SEMA3E: variants seen among roughly 807,000 people sequenced by gnomAD.
SEMA3E encodes the protein semaphorin-3E.
SEMA3E carries 49 observed loss-of-function variants against 93.6 expected under a neutral mutation model. The observed-to-expected ratio is 0.52, with a 90% confidence interval of 0.42 to 0.66. SEMA3E has a LOEUF of 0.66. SEMA3E is among the 30% of genes least tolerant of loss of function. SEMA3E has a pLI of 0.00. For synonymous variants in SEMA3E, 363 were observed against 330.7 expected, an observed-to-expected ratio of 1.10 and a Z score of -1.06; for missense variants, 906 against 964.8, an observed-to-expected ratio of 0.94 and a Z score of 0.81.
chr7:83,492,748 AC>A (rs1790411703), intron 1 of SEMA3E, among the ~76,000 whole-genome samples: 1 of 151,970 alleles, frequency 6.6e-6, no homozygotes, highest in South Asian at 2.1e-4. Flanking sequence ...ACACACATAT[AC>A]TTTTACAAAA....
chr7:83,388,234 G>T (rs1302242125), intron 14 of SEMA3E, among the ~76,000 whole-genome samples: 3 of 148,560 alleles, frequency 2.0e-5, no homozygotes, highest in Admixed American at 6.7e-5. Context: ...GCCTGAAACC[G>T]GGAGGTGAAG....
At chr7:83,611,513 T>C (rs757487446) in intron 1 of SEMA3E, among the ~76,000 whole-genome samples, 5 of 150,792 alleles carry the variant, frequency 3.3e-5, no homozygotes, top group Admixed American at 6.7e-5. Context: ...TTTCTCTTCA[T>C]ATTTATACTT....
At chr7:83,622,020 A>C (rs1256333137) in intron 1 of SEMA3E, among the ~76,000 whole-genome samples, 3 of 152,238 alleles carry the variant, frequency 2.0e-5, no homozygotes, top group Admixed American at 6.5e-5. Context: ...GATCTTCTGC[A>C]CAGCAAAAGA....
chr7:83,417,250 T>A (rs1470667388), intron 5 of SEMA3E, among the ~76,000 whole-genome samples: 1 of 152,024 alleles, frequency 6.6e-6, no homozygotes, highest in Non-Finnish European at 1.5e-5. Flanking sequence ...AATACATAGG[T>A]TTTAAAAAGC....
chr7:83,462,940 C>T (rs1789660439), intron 4 of SEMA3E, among the ~76,000 whole-genome samples: 1 of 107,926 alleles, frequency 9.3e-6, no homozygotes, highest in African/African-American at 2.8e-5. Context: ...TTCCTTTGCA[C>T]CCTTAATCCC....
At chr7:83,489,345 T>C (rs1410965184) in intron 2 of SEMA3E, among the ~76,000 whole-genome samples, 1 of 151,958 alleles carries the variant, frequency 6.6e-6, no homozygotes, top group Non-Finnish European at 1.5e-5. Context: ...TTTAAAATTA[T>C]TACCTCTAGG....
At position 83,529,436 on chromosome 7, in the gene SEMA3E, A is replaced by G. The variant is rs1791237097; in HGVS notation, c.116-39162T>C. Among the ~76,000 whole-genome samples the G allele has an allele frequency of 2.6e-5, 4 of 152,162 alleles. No homozygotes were observed. In the South Asian group the frequency reaches 8.3e-4, roughly 31 times the overall value. ...TTTGAGCTGCCCGTCAAAAACTAGCAAATATGTTTTATAAAATAAACATAA... is the reference window on the plus strand; with the variant it reads ...TTTGAGCTGCCCGTCAAAAACTAGCGAATATGTTTTATAAAATAAACATAA... On this transcript the variant is annotated intron_variant, in intron 1 of 16. Coordinates refer to ENST00000643230, the MANE Select transcript of SEMA3E (RefSeq NM_012431.3).
rs543850868 is a variant in SEMA3E at position 83,420,482 on chromosome 7, G to A, written c.457-1999C>T. On this transcript the variant is annotated intron_variant, in intron 4 of 16. Transcript: ENST00000643230. ...CTAAAATTCATAAGAAACCAAAAAA[G>A]AGCCTGAATAGCCAAAGTAATGCTA... is the stretch of plus-strand genomic sequence containing the variant. Among the ~76,000 whole-genome samples, 3 of 152,124 alleles carry A rather than the reference G, an allele frequency of 2.0e-5. No homozygotes were observed. In the South Asian group the frequency reaches 6.2e-4, roughly 32 times the overall value.
rs1269065452 is a variant in SEMA3E at position 83,617,486 on chromosome 7, TA to T, written c.115+30941del. ...TATATAATTTTATATAAATTTTATA[TA>T]AATAATATATAATTTTATATAAATA... On this transcript the variant is annotated intron_variant, in intron 1 of 16. Coordinates refer to ENST00000643230, the MANE Select transcript of SEMA3E (RefSeq NM_012431.3). Among the ~76,000 whole-genome samples the T allele has an allele frequency of 4.4e-4, 62 of 141,950 alleles. 7 individuals are homozygous for T. Among genetic ancestry groups the T allele is most frequent in the Non-Finnish European group, 7.0e-4 (46 of 65,254 alleles). The allele number at this position is 141,950 out of a possible 152,430, so 93.1% of individuals were successfully genotyped here.
intron 1 of SEMA3E, among the ~76,000 whole-genome samples, chr7:83,597,168 G>A (rs969181260): frequency 2.0e-5 from 3 of 152,164 alleles, no homozygotes; most frequent in Admixed American, 6.6e-5. Flanking sequence ...ATCCACATAA[G>A]TACCTCCTCT....
At chr7:83,471,092 T>C (rs570347710) in intron 2 of SEMA3E, among the ~76,000 whole-genome samples, 49 of 151,970 alleles carry the variant, frequency 3.2e-4, no homozygotes, top group African/African-American at 9.9e-4. Flanking sequence ...TTGAACAGTT[T>C]TCTCTGTACA....
In SEMA3E at chr7:83,402,714, T is replaced by C; in HGVS notation, c.1061A>G (p.Asn354Ser). 2 of 1,613,050 alleles carry C rather than the reference T, an allele frequency of 1.2e-6. No individual in the cohort carries two copies. The highest frequency in any genetic ancestry group is 1.7e-6 in the Non-Finnish European group (2 of 1,179,248). ...TCCTTCCTTATGTGCATATGGTCCG[T>C]TGAAGGCTGCCCGAATGCTAGACAT... ...YHMSSIRAAF[N>S]GPYAHKEGPE... Residue 354 changes from asparagine to serine, a missense_variant, in exon 10 of 17, where the codon AAC becomes AGC. Physicochemically the swap from Asn to Ser is conservative, Grantham distance 46. Transcript: ENST00000643230.
At chr7:83,386,859 A>G in intron 15 of SEMA3E, 124 bp downstream of exon 15, 1 of 864,440 alleles carries the variant, frequency 1.2e-6, no homozygotes, top group Non-Finnish European at 1.8e-6. Context: ...GAAAAAGAAT[A>G]CTTATTACAT....
chr7:83,406,338 A>G (rs1788330119), intron 7 of SEMA3E, among the ~76,000 whole-genome samples: 1 of 151,982 alleles, frequency 6.6e-6, no homozygotes, highest in Non-Finnish European at 1.5e-5. Flanking sequence ...AAACTCTCCT[A>G]AATAGAATAG....
chr7:83,499,791 A>T (rs1384046083), intron 1 of SEMA3E, among the ~76,000 whole-genome samples: 2 of 152,226 alleles, frequency 1.3e-5, no homozygotes, highest in Non-Finnish European at 2.9e-5. Context: ...AACAATTAAC[A>T]GCTTATATAA....
chr7:83,398,182 A>G (rs1003629984), intron 11 of SEMA3E, among the ~76,000 whole-genome samples: 2 of 152,158 alleles, frequency 1.3e-5, no homozygotes, highest in African/African-American at 2.4e-5. Context: ...TGGCAGCACA[A>G]ATATATGCTT....
Position 83,553,225 on chromosome 7 carries a change from C to A in SEMA3E, c.116-62951G>T, listed in dbSNP as rs183011753. Among the ~76,000 whole-genome samples the A allele has an allele frequency of 7.2e-3, 1,092 of 152,230 alleles. 18 individuals carry two copies. Among genetic ancestry groups the A allele is most frequent in the Admixed American group, 7.7e-3 (117 of 15,270 alleles). On this transcript the variant is annotated intron_variant, in intron 1 of 16. Transcript: ENST00000643230. ...CGACACTTATGGAAAATAGAAAGAA[C>A]CTACGTTGAAATATTGGGGGTGGGT...
intron 1 of SEMA3E, among the ~76,000 whole-genome samples, chr7:83,645,060 T>G (rs1456224601): frequency 6.6e-6 from 1 of 151,966 alleles, no homozygotes; most frequent in Non-Finnish European, 1.5e-5. Context: ...ACATAGGTCT[T>G]GGCTTATTTG....
chr7:83,461,378 TACC>T (rs1226084236), intron 4 of SEMA3E, among the ~76,000 whole-genome samples: 27 of 152,240 alleles, frequency 1.8e-4, no homozygotes, highest in Middle Eastern at 3.4e-3. Context: ...GTCCCAATTC[TACC>T]TCAGCCTCTG....
Sources: gnomAD v4.1 joint callset for allele counts (sites outside exome capture counted in the v4.1 genomes callset) on GRCh38, gnomAD v4.1.1 for gene constraint, MANE v1.5 for transcripts, NCBI Gene and HGNC (gene_info 2026-07-23, HGNC 2026-07-21) for gene names.